Variants in DAAM1 observed in about 807,000 individuals in gnomAD.
DAAM1 encodes dishevelled associated activator of morphogenesis 1.
In DAAM1, 52 loss-of-function variants were observed where a neutral mutation model predicts 130.0. That is an observed-to-expected ratio of 0.40 (90% CI 0.32 to 0.50). The LOEUF is 0.50. Ranked by LOEUF, DAAM1 falls within the 20% of genes least tolerant of loss-of-function variation. The pLI is 0.61. For synonymous variants in DAAM1, 452 were observed against 444.5 expected, an observed-to-expected ratio of 1.02 and a Z score of -0.21; for missense variants, 1,134 against 1,303.8, an observed-to-expected ratio of 0.87 and a Z score of 2.01.
chr14:59,245,002 A>C (rs1437379554), intron 1 of DAAM1, among the ~76,000 whole-genome samples: 1 of 152,104 alleles, frequency 6.6e-6, no homozygotes, highest in Non-Finnish European at 1.5e-5. Flanking sequence ...TTTTTGTGGA[A>C]TGGAAAGTGG....
chr14:59,323,362 T>A, intron 6 of DAAM1, 137 bp downstream of exon 6: 1 of 925,848 alleles, frequency 1.1e-6, no homozygotes, highest in Non-Finnish European at 1.6e-6. Context: ...CTTTAAACAT[T>A]CCCTTCTTCT....
intron 1 of DAAM1, among the ~76,000 whole-genome samples, chr14:59,189,228 C>T (rs1471889650): frequency 6.6e-6 from 1 of 152,134 alleles, no homozygotes; most frequent in Admixed American, 6.5e-5. Flanking sequence ...GCTTGGTGGA[C>T]ACGGCGGTGG....
At chr14:59,205,567 T>C (rs1477131615) in intron 1 of DAAM1, among the ~76,000 whole-genome samples, 2 of 152,214 alleles carry the variant, frequency 1.3e-5, no homozygotes, top group African/African-American at 4.8e-5. Context: ...ATTTAAAAAT[T>C]GAGGTCATGA....
chr14:59,364,271 A>G (rs547480919), intron 23 of DAAM1, among the ~76,000 whole-genome samples: 1 of 152,142 alleles, frequency 6.6e-6, no homozygotes, highest in Admixed American at 6.5e-5. Flanking sequence ...ACCTGTATAA[A>G]TCTCCAGCAG....
chr14:59,343,007 AG>A (rs1404210741), intron 16 of DAAM1, among the ~76,000 whole-genome samples: 1 of 152,174 alleles, frequency 6.6e-6, no homozygotes, highest in Non-Finnish European at 1.5e-5. Flanking sequence ...TGCATTTATA[AG>A]GGCATGAGTC....
chr14:59,227,223 A>G (rs892093504), intron 1 of DAAM1, among the ~76,000 whole-genome samples: 1 of 152,206 alleles, frequency 6.6e-6, no homozygotes, highest in African/African-American at 2.4e-5. Flanking sequence ...TGTGTACAGA[A>G]ATAGGCTTAC....
rs1885739252 is a variant in DAAM1, at chr14:59,338,929, C to T, written c.1969-1145C>T. Reference sequence around the variant, plus strand: ...GTCTGAGCAAGCCAGATTGCAGTCACGTCACTACAAATTCATTTTCTTTTT... The same window carrying T: ...GTCTGAGCAAGCCAGATTGCAGTCATGTCACTACAAATTCATTTTCTTTTT... On this transcript the variant is annotated intron_variant, in intron 15 of 24. Transcript: ENST00000360909. Among the ~76,000 whole-genome samples, 2 of 152,104 alleles carry T rather than the reference C, an allele frequency of 1.3e-5. 1 individual carries two copies. Among genetic ancestry groups the T allele is most frequent in the South Asian group, 4.2e-4 (2 of 4,816 alleles).
At chr14:59,295,481 C>G (rs1883920322) in intron 3 of DAAM1, among the ~76,000 whole-genome samples, 3 of 152,142 alleles carry the variant, frequency 2.0e-5, no homozygotes, top group Admixed American at 1.3e-4. Context: ...TGGATCAATT[C>G]CTGACTCTTC....
intron 1 of DAAM1, among the ~76,000 whole-genome samples, chr14:59,206,295 A>G (rs987988315): frequency 1.3e-4 from 19 of 151,868 alleles, no homozygotes; most frequent in African/African-American, 4.4e-4. Context: ...ATTTTTTTTG[A>G]GACGGAGTCT....
chr14:59,190,611 A>G (rs564540914), intron 1 of DAAM1, among the ~76,000 whole-genome samples: 24 of 152,316 alleles, frequency 1.6e-4, no homozygotes, highest in African/African-American at 5.8e-4. Context: ...TGAAGCATGC[A>G]GGGCCATAAC....
chr14:59,310,408 C>T (rs1049444720), intron 3 of DAAM1, among the ~76,000 whole-genome samples: 5 of 152,142 alleles, frequency 3.3e-5, no homozygotes, highest in Admixed American at 2.0e-4. Flanking sequence ...GCTGGGATTA[C>T]AGGTGTGAGC....
At chr14:59,233,853 AG>A (rs1889197517) in intron 1 of DAAM1, among the ~76,000 whole-genome samples, 1 of 152,196 alleles carries the variant, frequency 6.6e-6, no homozygotes, top group Non-Finnish European at 1.5e-5. Context: ...GCATATGGCT[AG>A]CCAGTTTTCC....
intron 1 of DAAM1, among the ~76,000 whole-genome samples, chr14:59,250,067 AGAACTATAATT>A (rs1209563729): frequency 6.6e-6 from 1 of 152,232 alleles, no homozygotes; most frequent in African/African-American, 2.4e-5. Context: ...GATCCACAAT[AGAACTATAATT>A]GAAACAAAGT....
intron 2 of DAAM1, among the ~76,000 whole-genome samples, chr14:59,275,172 CTG>C (rs1882909716): frequency 6.6e-6 from 1 of 152,182 alleles, no homozygotes; most frequent in African/African-American, 2.4e-5. Flanking sequence ...CCTTTCTTGT[CTG>C]TCACTTTACA....
chr14:59,359,629 A>C, intron 21 of DAAM1, 125 bp downstream of exon 21: 1 of 667,334 alleles, frequency 1.5e-6, no homozygotes. Flanking sequence ...TATGAAATAA[A>C]GTTTGAATCT....
chr14:59,299,586 A>T (rs948601099), intron 3 of DAAM1: 1 of 152,206 alleles, frequency 6.6e-6, no homozygotes, highest in Non-Finnish European at 1.5e-5. Flanking sequence ...TTTTCTCAGA[A>T]CAATAGTGAT....
intron 1 of DAAM1, among the ~76,000 whole-genome samples, chr14:59,228,350 C>T (rs1889004323): frequency 6.6e-6 from 1 of 152,098 alleles, no homozygotes; most frequent in Non-Finnish European, 1.5e-5. Context: ...ATCAGCTTCT[C>T]AGAAAATTTA....
intron 1 of DAAM1, among the ~76,000 whole-genome samples, chr14:59,238,729 A>G (rs1889383486): frequency 6.6e-6 from 1 of 152,204 alleles, no homozygotes; most frequent in South Asian, 2.1e-4. Flanking sequence ...TAACTGACCT[A>G]ATGAAACACT....
rs928854011 is a variant in DAAM1 at position 59,348,331 on chromosome 14, G to A, written c.2160+708G>A. ...AGCATTTCTTTGTAGCCTCTCCAAC[G>A]GGATCATGGGCTGTTTGGCATCTTT... On this transcript the variant is annotated intron_variant, in intron 17 of 24. Coordinates refer to ENST00000360909, the MANE Select transcript of DAAM1 (RefSeq NM_001270520.2). 6.0e-5 allele frequency among the ~76,000 whole-genome samples: 9 copies of A among 151,246 alleles called. No homozygotes were observed. The South Asian group carries it at 1.5e-3, about 25-fold the overall frequency.
Sources: gnomAD v4.1 joint callset for allele counts (sites outside exome capture counted in the v4.1 genomes callset) on GRCh38, gnomAD v4.1.1 for gene constraint, MANE v1.5 for transcripts, NCBI Gene and HGNC (gene_info 2026-07-23, HGNC 2026-07-21) for gene names.